Variants in PPP2R3A observed in about 807,000 individuals in gnomAD.
PPP2R3A encodes the protein protein phosphatase 2 regulatory subunit B''alpha, also known as serine/threonine-protein phosphatase 2A regulatory subunit B'' subunit alpha.
In PPP2R3A, 80 loss-of-function variants were observed where a neutral mutation model predicts 106.9. The observed-to-expected ratio is 0.75, with a 90% confidence interval of 0.62 to 0.90. The LOEUF (loss-of-function observed/expected upper bound fraction) is 0.90. PPP2R3A is among the 40% of genes least tolerant of loss of function. The probability of loss-of-function intolerance (pLI) is 0.00; values close to 1 mark genes in which losing one functional copy is unlikely to be tolerated. For synonymous variants in PPP2R3A, 483 were observed against 468.3 expected, an observed-to-expected ratio of 1.03 and a Z score of -0.41; for missense variants, 1,386 against 1,350.4, an observed-to-expected ratio of 1.03 and a Z score of -0.41.
chr3:136,045,803 C>A (rs1935451716), intron 4 of PPP2R3A, among the ~76,000 whole-genome samples: 2 of 152,044 alleles, frequency 1.3e-5, no homozygotes, highest in African/African-American at 4.8e-5. Context: ...AATGCCATCT[C>A]CCAGGTTACA....
chr3:136,104,145 C>A (rs924616786), intron 12 of PPP2R3A, among the ~76,000 whole-genome samples: 18 of 152,136 alleles, frequency 1.2e-4, no homozygotes, highest in Non-Finnish European at 2.6e-4. Flanking sequence ...AATATGATCA[C>A]CTTCTAAATA....
intron 9 of PPP2R3A, among the ~76,000 whole-genome samples, chr3:136,089,797 C>T (rs921335823): frequency 6.6e-6 from 1 of 151,920 alleles, no homozygotes; most frequent in Admixed American, 6.6e-5. Flanking sequence ...GTGTTGTAGT[C>T]CTCCCTGTAG....
chr3:136,001,831 T>C lies in PPP2R3A; in HGVS notation c.333T>C (p.Asp111=), dbSNP rs9872542. 485,301 of 1,613,946 alleles carry C rather than the reference T, an allele frequency of 0.3. 76,651 individuals carry two copies. The highest frequency in any genetic ancestry group is 0.32 in the Non-Finnish European group (380,248 of 1,179,918). Reference sequence around the variant, plus strand: ...TTCAGAATACCTACAACTTAAAGGATATTGCAGGAGAAGCAATCAGTTTTG... The same window carrying C: ...TTCAGAATACCTACAACTTAAAGGACATTGCAGGAGAAGCAATCAGTTTTG... ...STFQNTYNLK[D]IAGEAISFAS... The change falls in exon 2 of 14, where the codon GAT becomes GAC. Residue 111 remains aspartate, a synonymous_variant. Coordinates refer to ENST00000264977, the MANE Select transcript of PPP2R3A (RefSeq NM_002718.5).
intron 13 of PPP2R3A, 24 bp downstream of exon 13, chr3:136,106,346 A>T (rs779344407): frequency 6.3e-7 from 1 of 1,598,340 alleles, no homozygotes; most frequent in African/African-American, 1.3e-5. Context: ...CCTATGTCTT[A>T]TAGAATTTTT....
intron 1 of PPP2R3A, among the ~76,000 whole-genome samples, chr3:135,978,837 C>T (rs1467257166): frequency 6.6e-6 from 1 of 151,718 alleles, no homozygotes; most frequent in Non-Finnish European, 1.5e-5. Flanking sequence ...GGTGCTAAGT[C>T]CATCTTCTCA....
chr3:136,070,105 C>T (rs1437391891), intron 5 of PPP2R3A, among the ~76,000 whole-genome samples: 1 of 152,106 alleles, frequency 6.6e-6, no homozygotes, highest in Non-Finnish European at 1.5e-5. Flanking sequence ...CTTGCATCTA[C>T]TGTCCACGAC....
chr3:136,038,472 T>C (rs912117798), intron 3 of PPP2R3A, among the ~76,000 whole-genome samples: 1 of 152,188 alleles, frequency 6.6e-6, no homozygotes, highest in Non-Finnish European at 1.5e-5. Flanking sequence ...TTAGTGGAAG[T>C]TACCCCACAG....
intron 5 of PPP2R3A, among the ~76,000 whole-genome samples, chr3:136,057,838 C>T (rs1048865821): frequency 1.3e-5 from 2 of 152,074 alleles, no homozygotes; most frequent in African/African-American, 4.8e-5. Flanking sequence ...AATCCTTGCA[C>T]ACTGATGGTG....
chr3:136,021,569 T>C (rs1315036949), intron 2 of PPP2R3A, among the ~76,000 whole-genome samples: 1 of 152,168 alleles, frequency 6.6e-6, no homozygotes, highest in Non-Finnish European at 1.5e-5. Context: ...TAATTCCCAC[T>C]AAATTAGACA....
chr3:136,027,875 C>A (rs534304675), intron 3 of PPP2R3A, among the ~76,000 whole-genome samples: 1 of 152,324 alleles, frequency 6.6e-6, no homozygotes, highest in South Asian at 2.1e-4. Flanking sequence ...TGCATGGAGG[C>A]AAGTAGGAGA....
chr3:135,992,183 G>T (rs1174835022), intron 1 of PPP2R3A, among the ~76,000 whole-genome samples: 2 of 152,010 alleles, frequency 1.3e-5, no homozygotes. Context: ...CTGTTCTGTT[G>T]GAAGCAGTTT....
chr3:136,066,933 G>T (rs1936278453), intron 5 of PPP2R3A, among the ~76,000 whole-genome samples: 1 of 152,102 alleles, frequency 6.6e-6, no homozygotes, highest in African/African-American at 2.4e-5. Context: ...CTGTATTTTA[G>T]ATACTTTCTT....
At position 136,087,941 on chromosome 3, in the gene PPP2R3A, C is replaced by T. The variant is rs771725601; in HGVS notation, c.2837+10C>T. The T allele has an allele frequency of 4.5e-5, 72 of 1,593,912 alleles. No homozygotes were observed. Among genetic ancestry groups the T allele is most frequent in the Admixed American group, 2.5e-4 (15 of 59,568 alleles). ...CTGGTGCAGTAACAAGGTAAGAAAA[C>T]GTTTAATGCTGTGTTTAAAAATGAA... On this transcript the variant is annotated intron_variant, in intron 9 of 13. Coordinates refer to ENST00000264977, the MANE Select transcript of PPP2R3A (RefSeq NM_002718.5).
At chr3:136,073,496 T>C (rs1427451389) in intron 6 of PPP2R3A, among the ~76,000 whole-genome samples, 1 of 152,246 alleles carries the variant, frequency 6.6e-6, no homozygotes, top group Non-Finnish European at 1.5e-5. Context: ...TTGTGCTGCT[T>C]TATCTCCAAT....
intron 8 of PPP2R3A, among the ~76,000 whole-genome samples, chr3:136,083,452 C>T (rs745330191): frequency 1.6e-4 from 25 of 152,284 alleles, no homozygotes; most frequent in South Asian, 2.1e-4. Context: ...CTTTGCCTTC[C>T]GCCATGATTG....
At position 135,981,597 on chromosome 3, in the gene PPP2R3A, C is replaced by T. The variant is rs528212452; in HGVS notation, c.-441+15748C>T. ...TTCCTTCATTGAGTACTTATATATA[C>T]TAGGCACTGTTTTAGTGTTAGGATG... On this transcript the variant is annotated intron_variant, in intron 1 of 13. Transcript: ENST00000264977. 5.9e-5 allele frequency among the ~76,000 whole-genome samples: 9 copies of T among 151,912 alleles called. 1 individual carries two copies. The East Asian group carries it at 7.7e-4, about 13-fold the overall frequency.
chr3:136,081,348 A>C (rs985708406), intron 7 of PPP2R3A, among the ~76,000 whole-genome samples: 1 of 152,034 alleles, frequency 6.6e-6, no homozygotes, highest in African/African-American at 2.4e-5. Flanking sequence ...TATTTTTGTT[A>C]ACATTTAACC....
chr3:136,079,198 AT>A, intron 7 of PPP2R3A: 2 of 454,858 alleles, frequency 4.4e-6, no homozygotes, highest in African/African-American at 2.0e-5. Flanking sequence ...ATATACAAAC[AT>A]TTTTTTATTC....
intron 13 of PPP2R3A, among the ~76,000 whole-genome samples, chr3:136,124,499 C>T (rs940986960): frequency 3.9e-5 from 6 of 151,940 alleles, no homozygotes; most frequent in Admixed American, 6.6e-5. Context: ...AGAAAGAAAA[C>T]ATATGGGATG....
Sources: allele counts gnomAD v4.1 joint callset (sites outside exome capture counted in the v4.1 genomes callset), GRCh38; gene constraint gnomAD v4.1.1; transcripts MANE v1.5; gene names NCBI Gene and HGNC (gene_info 2026-07-23, HGNC 2026-07-21).